The following PPP2R2B variants were observed in gnomAD, a reference collection of about 807,000 sequenced individuals.
The protein encoded by PPP2R2B is protein phosphatase 2 regulatory subunit Bbeta.
A neutral mutation model predicts 46.0 loss-of-function variants in PPP2R2B; 5 were observed. That is an observed-to-expected ratio of 0.11 (90% CI 0.06 to 0.23). PPP2R2B has a LOEUF of 0.23. PPP2R2B is among the 10% of genes least tolerant of loss of function. The probability of loss-of-function intolerance (pLI) is 1.00; values close to 1 mark genes in which losing one functional copy is unlikely to be tolerated. For missense variants in PPP2R2B, 367 were observed against 575.0 expected (o/e 0.64, Z 3.70); for synonymous variants, 215 against 206.7 (o/e 1.04, Z -0.34).
chr5:147,006,122 T>C (rs1274569518), intron 1 of PPP2R2B, among the ~76,000 whole-genome samples: 2 of 152,180 alleles, frequency 1.3e-5, no homozygotes, highest in Non-Finnish European at 2.9e-5. Flanking sequence ...CCCTTCAGGA[T>C]AGGACGATGG....
At chr5:146,659,217 G>A (rs1394002251) in intron 5 of PPP2R2B, among the ~76,000 whole-genome samples, 1 of 152,140 alleles carries the variant, frequency 6.6e-6, no homozygotes, top group Non-Finnish European at 1.5e-5. Context: ...ACCAAAAGAT[G>A]ATATAAAAGC....
chr5:146,886,935 A>G (rs1342612156), intron 1 of PPP2R2B, among the ~76,000 whole-genome samples: 3 of 152,088 alleles, frequency 2.0e-5, no homozygotes, highest in African/African-American at 4.8e-5. Context: ...AGAGACACAT[A>G]AAACAATTCT....
intron 2 of PPP2R2B, among the ~76,000 whole-genome samples, chr5:146,721,977 T>C (rs1274402824): frequency 6.6e-6 from 1 of 152,212 alleles, no homozygotes; most frequent in Non-Finnish European, 1.5e-5. Flanking sequence ...TGAAGAACTT[T>C]ACATGCATTA....
At chr5:146,873,428 A>G (rs989482187) in intron 2 of PPP2R2B, among the ~76,000 whole-genome samples, 4 of 152,128 alleles carry the variant, frequency 2.6e-5, no homozygotes, top group Non-Finnish European at 5.9e-5. Context: ...CTTTTCCTTA[A>G]TGGCTTTCCA....
Position 146,936,867 on chromosome 5 carries a change from T to G in PPP2R2B, c.79+118798A>C, listed in dbSNP as rs796309447. On this transcript the variant is annotated intron_variant, in intron 1 of 8. Coordinates refer to the PPP2R2B transcript ENST00000336640. ...GGAGACAAACCAGTGAGCCAGGGTT[T>G]TTTTTTTTTTTTTTCTTCAATGCTG... Among the ~76,000 whole-genome samples the G allele has an allele frequency of 2.1e-3, 326 of 151,854 alleles. 2 individuals carry two copies. The highest frequency in any genetic ancestry group is 7.6e-3 in the African/African-American group (315 of 41,468).
At chr5:146,952,803 T>C (rs760179032) in intron 1 of PPP2R2B, among the ~76,000 whole-genome samples, 1 of 152,110 alleles carries the variant, frequency 6.6e-6, no homozygotes, top group Non-Finnish European at 1.5e-5. Context: ...CGAGTGAGAT[T>C]ATGTGATTAA....
At chr5:146,783,362 T>C (rs1755650236) in intron 2 of PPP2R2B, among the ~76,000 whole-genome samples, 1 of 152,228 alleles carries the variant, frequency 6.6e-6, no homozygotes, top group Admixed American at 6.5e-5. Flanking sequence ...AAGCCCTGAT[T>C]TCATTTAAAA....
intron 2 of PPP2R2B, among the ~76,000 whole-genome samples, chr5:146,853,287 G>A (rs759521919): frequency 7.9e-5 from 12 of 152,144 alleles, no homozygotes; most frequent in Non-Finnish European, 1.8e-4. Flanking sequence ...TACCAACCAC[G>A]TGATTCATGC....
At chr5:146,724,123 T>C (rs1751695136) in intron 2 of PPP2R2B, among the ~76,000 whole-genome samples, 1 of 152,164 alleles carries the variant, frequency 6.6e-6, no homozygotes, top group Non-Finnish European at 1.5e-5. Context: ...GCTATGAGTC[T>C]ATACAGAGAT....
At chr5:146,608,414 C>T (rs1421342928) in intron 7 of PPP2R2B, among the ~76,000 whole-genome samples, 2 of 152,168 alleles carry the variant, frequency 1.3e-5, no homozygotes, top group East Asian at 3.9e-4. Context: ...TTTTCCTTAT[C>T]TTGTTAAGAC....
At chr5:147,079,672 T>C (rs1310825446) in intron 2 of PPP2R2B, among the ~76,000 whole-genome samples, 1 of 151,662 alleles carries the variant, frequency 6.6e-6, no homozygotes, top group Non-Finnish European at 1.5e-5. Context: ...TAGTGAATAG[T>C]GGTTACCAGA....
At chr5:146,595,380 T>A (rs322475) in intron 8 of PPP2R2B, among the ~76,000 whole-genome samples, 2,379 of 152,288 alleles carry the variant, frequency 0.016, 66 homozygotes, top group African/African-American at 0.055. Flanking sequence ...GAACCTTTCC[T>A]CATCTGTCAC....
intron 1 of PPP2R2B, among the ~76,000 whole-genome samples, chr5:146,956,377 T>C (rs1280329913): frequency 6.6e-6 from 1 of 152,188 alleles, no homozygotes; most frequent in African/African-American, 2.4e-5. Flanking sequence ...TATGTGGAAC[T>C]GTCATCACAG....
intron 1 of PPP2R2B, among the ~76,000 whole-genome samples, chr5:146,959,431 T>C (rs572456235): frequency 2.6e-4 from 39 of 152,270 alleles, no homozygotes; most frequent in African/African-American, 8.9e-4. Flanking sequence ...CTATGATTAA[T>C]TGGGAGCTCC....
chr5:146,691,307 G>A (rs1043188289), intron 4 of PPP2R2B, 67 bp from the exon 5 acceptor site: 83 of 1,295,594 alleles, frequency 6.4e-5, no homozygotes, highest in Middle Eastern at 3.7e-4. Context: ...AGTTTTCCTG[G>A]GGGCAATGGG....
intron 1 of PPP2R2B, among the ~76,000 whole-genome samples, chr5:146,945,925 A>G (rs1455632233): frequency 6.6e-6 from 1 of 152,170 alleles, no homozygotes; most frequent in Non-Finnish European, 1.5e-5. Context: ...GTGTGTCGTC[A>G]GCTGCTGGCA....
chr5:147,012,774 GT>G (rs575993428), intron 1 of PPP2R2B, among the ~76,000 whole-genome samples: 356 of 151,878 alleles, frequency 2.3e-3, no homozygotes, highest in African/African-American at 8.2e-3. Context: ...ATTCTGGTAT[GT>G]TGTGTCTTTG....
chr5:146,586,805 A>T lies in PPP2R2B; in HGVS notation c.*3142T>A, dbSNP rs115336809. On this transcript the variant is annotated 3_prime_UTR_variant, in exon 10 of 10. Transcript: ENST00000394411. ...TGATTCCCACTGCCCATCTGCCTTT[A>T]TATATCCCACTTCTTGATGCTGGCT... 6.6e-6 allele frequency: 1 copy of T among 152,194 alleles called. No homozygotes were observed. Among genetic ancestry groups the T allele is most frequent in the African/African-American group, 2.4e-5 (1 of 41,444 alleles). The allele number at this position is 152,194 out of a possible 1,614,324, so 9.4% of individuals were successfully genotyped here. A position where few individuals can be genotyped will look rare whatever the true frequency, so the allele number is the denominator to read the frequency against.
chr5:146,927,629 A>C (rs1196004512), intron 1 of PPP2R2B, among the ~76,000 whole-genome samples: 1 of 152,156 alleles, frequency 6.6e-6, no homozygotes, highest in Non-Finnish European at 1.5e-5. Context: ...AATGACTGCA[A>C]CTTTCTTCCC....
Sources: allele counts gnomAD v4.1 joint callset (sites outside exome capture counted in the v4.1 genomes callset), GRCh38; gene constraint gnomAD v4.1.1; transcripts MANE v1.5; gene names NCBI Gene and HGNC (gene_info 2026-07-23, HGNC 2026-07-21).